Variants in PRPS1 observed in about 807,000 individuals in gnomAD.
PRPS1 encodes ribose-phosphate pyrophosphokinase 1.
PRPS1 carries 1 observed loss-of-function variant against 16.9 expected under a neutral mutation model. That is an observed-to-expected ratio of 0.06 (90% CI 0.02 to 0.28). PRPS1 has a LOEUF of 0.28. PRPS1 is among the 10% of genes least tolerant of loss of function. PRPS1 has a pLI of 1.00. For synonymous variants in PRPS1, 70 were observed against 90.2 expected (o/e 0.78, Z 1.27); for missense variants, 47 against 254.0 (o/e 0.19, Z 5.54).
chrX:107,639,690 A>G (rs1260088136), intron 2 of PRPS1, among the ~76,000 whole-genome samples: 1 of 112,239 alleles, frequency 8.9e-6, no homozygotes, highest in Non-Finnish European at 1.9e-5. Context: ...TGATACATAT[A>G]TAACTTTCAG....
In PRPS1 at chrX:107,649,750, G is replaced by T. The variant is rs188487083; in HGVS notation, c.865-190G>T. 2.6e-4 allele frequency among the ~76,000 whole-genome samples: 29 copies of T among 112,545 alleles called. No homozygotes were observed. In the South Asian group the frequency reaches 6.2e-3, roughly 24 times the overall value. ...GGGATTAACAGGTGTGAGCCACCGT[G>T]CCCAGCCGTAAGTGGCTATCTTAAA... On this transcript the variant is annotated intron_variant, in intron 6 of 6. Transcript: ENST00000372435.
chrX:107,640,030 C>A (rs1032750168), intron 2 of PRPS1, among the ~76,000 whole-genome samples: 3 of 112,754 alleles, frequency 2.7e-5, no homozygotes, highest in Non-Finnish European at 3.8e-5. Context: ...TATTTTTATT[C>A]CAACAGAGTA....
At chrX:107,635,991 T>C (rs781737393) in intron 1 of PRPS1, among the ~76,000 whole-genome samples, 16 of 85,817 alleles carry the variant, frequency 1.9e-4, no homozygotes, top group Non-Finnish European at 2.8e-4. Context: ...ACCCGGGAGG[T>C]GGAGGTCGCA....
At chrX:107,632,531 G>A (rs1465617428) in intron 1 of PRPS1, among the ~76,000 whole-genome samples, 1 of 112,494 alleles carries the variant, frequency 8.9e-6, no homozygotes, top group Non-Finnish European at 1.9e-5. Flanking sequence ...AGAGAAGCTA[G>A]TTTTTTCACT....
chrX:107,642,561 G>C (rs1925598491), intron 4 of PRPS1, 71 bp downstream of exon 4: 1 of 1,182,715 alleles, frequency 8.5e-7, no homozygotes, highest in South Asian at 1.8e-5. Flanking sequence ...ACAAAGTGAA[G>C]TTTTTCTATC....
intron 1 of PRPS1, among the ~76,000 whole-genome samples, chrX:107,636,919 GA>G (rs1000654209): frequency 7.1e-5 from 8 of 112,014 alleles, no homozygotes; most frequent in African/African-American, 2.6e-4. Flanking sequence ...CTTAGAGTGA[GA>G]TAGAAGTATG....
In PRPS1 at chrX:107,628,706, G is replaced by A. The variant is rs1215685426; in HGVS notation, c.78G>A (p.Glu26=). ...AAATTGCTGACCGCCTGGGCCTGGA[G>A]CTAGGCAAGGTGGTGACTAAGAAAT... ...SQKIADRLGL[E]LGKVVTKKFS... is the part of the protein sequence containing the mutation. Residue 26 remains glutamate (E), a synonymous_variant, in exon 1 of 7, where the codon GAG becomes GAA. Transcript: ENST00000372435. The A allele has an allele frequency of 8.3e-7, 1 of 1,209,317 alleles. No individual in the cohort carries two copies. Among genetic ancestry groups the A allele is most frequent in the Non-Finnish European group, 1.1e-6 (1 of 895,118 alleles).
chrX:107,644,922 T>C (rs1360309713), intron 4 of PRPS1, among the ~76,000 whole-genome samples: 2 of 111,109 alleles, frequency 1.8e-5, no homozygotes. Flanking sequence ...TCACGCCATT[T>C]TCCTGCCTCA....
intron 6 of PRPS1, among the ~76,000 whole-genome samples, chrX:107,648,866 T>C (rs1470020702): frequency 9.1e-6 from 1 of 109,709 alleles, no homozygotes; most frequent in Non-Finnish European, 1.9e-5. Flanking sequence ...TTCAAGTGAG[T>C]CTCCTGCCTC....
chrX:107,649,448 C>CTGTT (rs1277078079), intron 6 of PRPS1, among the ~76,000 whole-genome samples: 2 of 109,841 alleles, frequency 1.8e-5, no homozygotes, highest in African/African-American at 3.3e-5. Flanking sequence ...TCCTAAGTGG[C>CTGTT]TGTTTTGTTT....
rs1653243173 is a variant in PRPS1 at position 107,628,733 on chromosome X, C to T, written c.105C>T (p.Phe35=). The change falls in exon 1 of 7, where the codon TTC becomes TTT. Residue 35 remains phenylalanine (F), a synonymous_variant. Transcript: ENST00000372435. ...TAGGCAAGGTGGTGACTAAGAAATTCAGCAACCAGGAGACCTGGTAAGGAC... is the reference window on the plus strand; with the variant it reads ...TAGGCAAGGTGGTGACTAAGAAATTTAGCAACCAGGAGACCTGGTAAGGAC... The part of the protein sequence containing the change: ...LELGKVVTKK[F]SNQETCVEIG... The T allele has an allele frequency of 8.3e-7, 1 of 1,209,108 alleles. No individual in the cohort carries two copies. The highest frequency in any genetic ancestry group is 1.8e-5 in the African/African-American group (1 of 56,924).
At chrX:107,640,711 G>C (rs1479841019) in intron 2 of PRPS1, among the ~76,000 whole-genome samples, 191 bp from the exon 3 acceptor site, 1 of 112,324 alleles carries the variant, frequency 8.9e-6, no homozygotes, top group Non-Finnish European at 1.9e-5. Flanking sequence ...ATTTGGAAAA[G>C]TGATGTTCCA....
chrX:107,637,636 C>T (rs894533194), intron 1 of PRPS1, among the ~76,000 whole-genome samples: 2 of 110,336 alleles, frequency 1.8e-5, no homozygotes, highest in African/African-American at 3.3e-5. Flanking sequence ...GCATCTTTTT[C>T]GTGTCTGTCA....
Position 107,650,851 on chromosome X carries a change from T to C in PRPS1, c.*819T>C. The C allele has an allele frequency of 3.4e-6, 1 of 293,567 alleles. No homozygotes were observed. The highest frequency in any genetic ancestry group is 6.0e-6 in the Non-Finnish European group (1 of 167,940). 24.2% of individuals were successfully genotyped at this position (293,567 alleles called of 1,213,427 possible). On this transcript the variant is annotated 3_prime_UTR_variant, in exon 7 of 7. Transcript: ENST00000372435. ...TTGATCTTCCTTAGCCTACTGCCAC[T>C]GAGGCAGTAGGTTTTAGGTGGTATC...
At chrX:107,634,824 T>A (rs1925393399) in intron 1 of PRPS1, among the ~76,000 whole-genome samples, 1 of 104,244 alleles carries the variant, frequency 9.6e-6, no homozygotes, top group Non-Finnish European at 1.9e-5. Context: ...TTGATAATGA[T>A]AAAGTTTTTT....
intron 2 of PRPS1, among the ~76,000 whole-genome samples, chrX:107,640,096 T>C (rs1442156876): frequency 8.9e-6 from 1 of 112,805 alleles, no homozygotes; most frequent in Non-Finnish European, 1.9e-5. Context: ...CCTAGCACTT[T>C]GGGAGGCCGA....
intron 5 of PRPS1, among the ~76,000 whole-genome samples, chrX:107,645,657 G>A (rs908652248): frequency 9.1e-6 from 1 of 110,320 alleles, no homozygotes; most frequent in Non-Finnish European, 1.9e-5. Context: ...GACAACCATC[G>A]CCTGATCATC....
intron 1 of PRPS1, among the ~76,000 whole-genome samples, chrX:107,635,666 C>T (rs949088348): frequency 4.5e-5 from 5 of 110,480 alleles, no homozygotes; most frequent in Middle Eastern, 4.2e-3. Context: ...TGGGCTCAAG[C>T]GGTCCTCCTG....
chrX:107,649,600 G>A (rs7050591), intron 6 of PRPS1, among the ~76,000 whole-genome samples: 2,355 of 111,395 alleles, frequency 0.021, 26 homozygotes, highest in Non-Finnish European at 0.033. Context: ...GATTACAGGC[G>A]TGTGCCACAC....
Sources: allele counts gnomAD v4.1 joint callset (sites outside exome capture counted in the v4.1 genomes callset), GRCh38; gene constraint gnomAD v4.1.1; transcripts MANE v1.5; gene names NCBI Gene and HGNC (gene_info 2026-07-23, HGNC 2026-07-21).